Variants in CENPF observed in about 807,000 individuals in gnomAD.
CENPF encodes AH antigen.
A neutral mutation model predicts 307.3 loss-of-function variants in CENPF; 214 were observed. That is an observed-to-expected ratio of 0.70 (90% CI 0.62 to 0.78). CENPF has a LOEUF of 0.78. CENPF is among the 30% of genes least tolerant of loss of function. The pLI is 0.00. For synonymous variants in CENPF, 1,259 were observed against 1,270.6 expected, an observed-to-expected ratio of 0.99 and a Z score of 0.19; for missense variants, 3,401 against 3,483.9, an observed-to-expected ratio of 0.98 and a Z score of 0.60.
Position 214,646,288 on chromosome 1 carries a change from T to C in CENPF, c.6718T>C (p.Leu2240=). 1 of 1,613,998 alleles carries C rather than the reference T, an allele frequency of 6.2e-7. No homozygotes were observed. The highest frequency in any genetic ancestry group is 8.5e-7 in the Non-Finnish European group (1 of 1,179,988). The change falls in exon 13 of 20, where the codon TTA becomes CTA. Residue 2240 remains leucine, a synonymous_variant. Transcript: ENST00000366955. ...DKLLSSFKSL[L]EEKEQAEIQI... ...GTTACTCTCTTCATTTAAAAGTCTG[T>C]TAGAAGAAAAGGAGCAAGCAGAGAT...
Position 214,657,123 on chromosome 1 carries a change from A to G in CENPF, c.8676A>G (p.Gln2892=), listed in dbSNP as rs776430439. The G allele has an allele frequency of 8.1e-6, 13 of 1,614,098 alleles. No individual in the cohort carries two copies. Among genetic ancestry groups the G allele is most frequent in the Non-Finnish European group, 8.5e-7 (1 of 1,180,030 alleles). The change falls in exon 18 of 20, where the codon CAA becomes CAG. Residue 2892 remains glutamine (Q), a synonymous_variant. Transcript: ENST00000366955. ...ETQVAHLCSQ[Q]SKQDSRGSPL... is the part of the protein sequence containing the mutation. ...AAGTGGCCCATCTGTGTTCACAGCA[A>G]TCTAAACAAGATTCCCGAGGGTCTC... is the stretch of plus-strand genomic sequence containing the variant.
rs1658174295 is a variant in CENPF, at chr1:214,642,978, AG to A, written c.4643del (p.Gly1548ValfsTer19). 1.1e-5 allele frequency: 17 copies of A among 1,610,476 alleles called. No homozygotes were observed. The highest frequency in any genetic ancestry group is 1.4e-5 in the Non-Finnish European group (16 of 1,179,082). On this transcript the variant is annotated frameshift_variant, in exon 12 of 20. Coordinates refer to ENST00000366955, the MANE Select transcript of CENPF (RefSeq NM_016343.4). LOFTEE classifies it high-confidence loss of function. ...AAAGAAACCCCTTCGGCCCCAGCGAAGGGTGTTGAAGAGCTTGAGTCCCTCT... is the reference window on the plus strand; with the variant it reads ...AAAGAAACCCCTTCGGCCCCAGCGAAGGTGTTGAAGAGCTTGAGTCCCTCT... ...TRKETPSAPA[K>X]GVEELESLCE...
chr1:214,651,753 A>G lies in CENPF; in HGVS notation c.8027A>G (p.Lys2676Arg). 6.2e-7 allele frequency: 1 copy of G among 1,606,726 alleles called. No individual in the cohort carries two copies. Among genetic ancestry groups the G allele is most frequent in the Non-Finnish European group, 8.5e-7 (1 of 1,178,126 alleles). Residue 2676 changes from lysine (K) to arginine (R), a missense_variant, in exon 15 of 20, where the codon AAG becomes AGG. Physicochemically the swap from Lys to Arg is conservative, Grantham distance 26. Coordinates refer to ENST00000366955, the MANE Select transcript of CENPF (RefSeq NM_016343.4). ...ACACTAGAAAATAGTGAATTGAAGA[A>G]GAGCCTAGATTGCATGCACAAAGAC... is the stretch of plus-strand genomic sequence containing the variant. ...ELTLENSELKKSLDCMHKDQV... is the reference protein window; with the variant it reads ...ELTLENSELKRSLDCMHKDQV...
intron 1 of CENPF, chr1:214,605,827 G>C (rs1279956451): frequency 3.1e-6 from 5 of 1,594,390 alleles, no homozygotes; most frequent in East Asian, 2.2e-5. Flanking sequence ...GCCCGTGCGA[G>C]AAGTCGATCA....
Position 214,647,079 on chromosome 1 carries a change from GA to G in CENPF, c.7511del (p.Asn2504MetfsTer7). 6.2e-7 allele frequency: 1 copy of G among 1,614,020 alleles called. No homozygotes were observed. Among genetic ancestry groups the G allele is most frequent in the Non-Finnish European group, 8.5e-7 (1 of 1,179,994 alleles). On this transcript the variant is annotated frameshift_variant, in exon 13 of 20. Coordinates refer to ENST00000366955, the MANE Select transcript of CENPF (RefSeq NM_016343.4). LOFTEE classifies it high-confidence loss of function. ...ATTATATTGTTTTGCAATCTTCAGTGAATGGCCTCATTCAAGAAGTAGAAGA... is the reference window on the plus strand; with the variant it reads ...ATTATATTGTTTTGCAATCTTCAGTGATGGCCTCATTCAAGAAGTAGAAGA... Reference protein sequence around the residue: ...NNYIVLQSSVNGLIQEVEDGK... With the variant: ...NNYIVLQSSVXGLIQEVEDGK...
intron 1 of CENPF, chr1:214,605,411 G>C (rs868204616): frequency 1.3e-5 from 6 of 447,940 alleles, no homozygotes; most frequent in South Asian, 2.6e-5. Context: ...TCATACATCC[G>C]TAAGTGCCTG....
In CENPF at chr1:214,640,500, T is replaced by A; in HGVS notation, c.2162T>A (p.Met721Lys). The change falls in exon 12 of 20, where the codon ATG becomes AAG. Residue 721 changes from methionine to lysine, a missense_variant. Met to Lys is a moderately conservative substitution (Grantham distance 95). Coordinates refer to ENST00000366955, the MANE Select transcript of CENPF (RefSeq NM_016343.4). ...AAACATCAGAAGGAAATAGAAAATA[T>A]GTGTTTGAAGACTTCTCAGCTTACT... ...DQKHQKEIENMCLKTSQLTGQ... is the reference protein window; with the variant it reads ...DQKHQKEIENKCLKTSQLTGQ... 6.2e-7 allele frequency: 1 copy of A among 1,614,132 alleles called. No individual in the cohort carries two copies. Among genetic ancestry groups the A allele is most frequent in the Non-Finnish European group, 8.5e-7 (1 of 1,180,000 alleles).
intron 1 of CENPF, chr1:214,613,175 TG>T: frequency 4.0e-6 from 1 of 252,644 alleles, no homozygotes; most frequent in Non-Finnish European, 7.9e-6. Context: ...AGGGTGCTTC[TG>T]GGCATTTAGG....
rs1658252190 is a variant in CENPF, at chr1:214,645,178, T to G, written c.5608T>G (p.Leu1870Val). 1 of 1,614,050 alleles carries G rather than the reference T, an allele frequency of 6.2e-7. No homozygotes were observed. The highest frequency in any genetic ancestry group is 8.5e-7 in the Non-Finnish European group (1 of 1,180,012). The change falls in exon 13 of 20, where the codon TTA becomes GTA. Residue 1870 changes from leucine to valine, a missense_variant. By Grantham distance (32) the Leu-to-Val change is conservative. Coordinates refer to ENST00000366955, the MANE Select transcript of CENPF (RefSeq NM_016343.4). ...VETSEGLNSD[L>V]EMHADKSSRE... The stretch of plus-strand genomic sequence containing the variant: ...AACTTCTGAAGGCCTCAATTCTGAT[T>G]TAGAAATGCATGCAGATAAATCATC...
At chr1:214,611,831 G>A (rs935431232) in intron 1 of CENPF, among the ~76,000 whole-genome samples, 3 of 152,152 alleles carry the variant, frequency 2.0e-5, no homozygotes, top group South Asian at 2.1e-4. Context: ...ATTGATTTTC[G>A]TATCCTGAGA....
At chr1:214,622,433 T>G in intron 7 of CENPF, 152 bp downstream of exon 7, 1 of 740,252 alleles carries the variant, frequency 1.4e-6, no homozygotes, top group Non-Finnish European at 2.1e-6. Flanking sequence ...TAGAAAGCTG[T>G]TTTAAGTTGG....
At chr1:214,620,325 A>G (rs964150325) in intron 5 of CENPF, among the ~76,000 whole-genome samples, 2 of 152,228 alleles carry the variant, frequency 1.3e-5, no homozygotes, top group Non-Finnish European at 2.9e-5. Flanking sequence ...AAGAAAAGCC[A>G]GTTTTGGAAT....
intron 11 of CENPF, among the ~76,000 whole-genome samples, chr1:214,639,280 A>G (rs1467222130): frequency 3.3e-5 from 5 of 152,196 alleles, no homozygotes; most frequent in Non-Finnish European, 5.9e-5. Context: ...ACGGAGTTTG[A>G]AGAAGCTTCC....
At chr1:214,651,156 A>G (rs1449192059) in intron 14 of CENPF, among the ~76,000 whole-genome samples, 1 of 152,206 alleles carries the variant, frequency 6.6e-6, no homozygotes, top group Non-Finnish European at 1.5e-5. Context: ...AAACACATAC[A>G]GAGACAGCTA....
chr1:214,630,814 C>T, intron 9 of CENPF, 152 bp downstream of exon 9: 1 of 1,021,642 alleles, frequency 9.8e-7, no homozygotes, highest in Non-Finnish European at 1.4e-6. Context: ...CAGAACCATT[C>T]TGGCTCTAGG....
intron 7 of CENPF, among the ~76,000 whole-genome samples, chr1:214,625,180 T>C (rs1243378208): frequency 6.6e-6 from 1 of 152,146 alleles, no homozygotes; most frequent in Non-Finnish European, 1.5e-5. Flanking sequence ...GTAGACAACA[T>C]ATAATTGGGC....
intron 6 of CENPF, 25 bp from the exon 7 acceptor site, chr1:214,622,054 G>A (rs890410807): frequency 1.3e-6 from 2 of 1,565,236 alleles, no homozygotes; most frequent in South Asian, 1.1e-5. Context: ...ATGAATTGGA[G>A]TGTGATTTTT....
rs1254416511 is a variant in CENPF at position 214,608,182 on chromosome 1, C to A, written c.-42+4861C>A. 15 of 940,466 alleles carry A rather than the reference C, an allele frequency of 1.6e-5. No individual in the cohort carries two copies. In the Middle Eastern group the frequency reaches 4.1e-3, roughly 257 times the overall value. 58.3% of individuals were successfully genotyped at this position (940,466 alleles called of 1,614,324 possible). On this transcript the variant is annotated intron_variant, in intron 1 of 19. Coordinates refer to ENST00000366955, the MANE Select transcript of CENPF (RefSeq NM_016343.4). ...CAAGCTCGCCTGTCCGGCTCTCTGG[C>A]CCTGTGCATCCACTGTGGCTCCCCT...
In CENPF at chr1:214,641,390, T is replaced by G. The variant is rs3795519; in HGVS notation, c.3052T>G (p.Tyr1018Asp). Residue 1018 changes from tyrosine (Y) to aspartate (D), a missense_variant, in exon 12 of 20, where the codon TAC becomes GAC. By Grantham distance (160) the Tyr-to-Asp change is radical. Transcript: ENST00000366955. ...AAGCATTTCAGAGTTATCTGATCAG[T>G]ACAAGCAAGAAAAACTTATTTTACT... ...EKSISELSDQYKQEKLILLQR... is the reference protein window; with the variant it reads ...EKSISELSDQDKQEKLILLQR... The G allele has an allele frequency of 0.063, 99,877 of 1,586,500 alleles. 4,038 individuals carry two copies. The highest frequency in any genetic ancestry group is 0.15 in the South Asian group (12,663 of 85,462).
Sources: allele counts gnomAD v4.1 joint callset (sites outside exome capture counted in the v4.1 genomes callset), GRCh38; gene constraint gnomAD v4.1.1; transcripts MANE v1.5; gene names NCBI Gene and HGNC (gene_info 2026-07-23, HGNC 2026-07-21).